The following SYNPO2 variants were observed in gnomAD, a reference collection of about 807,000 sequenced individuals.
The protein encoded by SYNPO2 is synaptopodin-2.
SYNPO2 carries 56 observed loss-of-function variants against 85.0 expected under a neutral mutation model. That is an observed-to-expected ratio of 0.66 (90% CI 0.53 to 0.82). The LOEUF (loss-of-function observed/expected upper bound fraction) is 0.82, where lower values mean the gene tolerates loss of function less well. Ranked by LOEUF, SYNPO2 falls within the 40% of genes least tolerant of loss-of-function variation. The pLI, the probability that SYNPO2 is intolerant of heterozygous loss-of-function variation, is 0.00. For missense variants in SYNPO2, 1,575 were observed against 1,534.2 expected (o/e 1.03, Z -0.44); for synonymous variants, 602 against 591.1 (o/e 1.02, Z -0.27).
intron 1 of SYNPO2, among the ~76,000 whole-genome samples, chr4:118,951,700 A>G (rs1734703236): frequency 1.3e-5 from 2 of 152,208 alleles, no homozygotes; most frequent in African/African-American, 4.8e-5. Flanking sequence ...TAACCCAGGT[A>G]TTTAGTACTA....
chr4:118,973,223 T>C (rs1234561874), intron 1 of SYNPO2, among the ~76,000 whole-genome samples: 4 of 152,202 alleles, frequency 2.6e-5, no homozygotes, highest in Non-Finnish European at 5.9e-5. Flanking sequence ...CCATCAATTA[T>C]AGAATTATTA....
chr4:118,866,810 T>C (rs539311481), intron 1 of SYNPO2, among the ~76,000 whole-genome samples: 4 of 152,340 alleles, frequency 2.6e-5, no homozygotes, highest in African/African-American at 9.6e-5. Flanking sequence ...GCCACGACTG[T>C]AGGTTTCATG....
Position 118,955,022 on chromosome 4 carries a change from C to T in SYNPO2, c.105+65881C>T, listed in dbSNP as rs1465005117. Reference sequence around the variant, plus strand: ...TTTTTTTTTTTTTTTTTTTTTTACACAGAGTCTCACTCTATCACCTAGGCT... The same window carrying T: ...TTTTTTTTTTTTTTTTTTTTTTACATAGAGTCTCACTCTATCACCTAGGCT... On this transcript the variant is annotated intron_variant, in intron 1 of 4. Coordinates refer to ENST00000307142, the MANE Select transcript of SYNPO2 (RefSeq NM_133477.3). Among the ~76,000 whole-genome samples the T allele has an allele frequency of 9.9e-5, 13 of 131,056 alleles. No homozygotes were observed. The Admixed American group carries it at 1.1e-3, about 11-fold the overall frequency. 86.0% of individuals were successfully genotyped at this position (131,056 alleles called of 152,430 possible).
In SYNPO2 at chr4:118,869,701, A is replaced by G. The variant is rs148987610; in HGVS notation, c.12+18761A>G. On this transcript the variant is annotated intron_variant, in intron 1 of 4. Coordinates refer to the SYNPO2 transcript ENST00000610556. ...TTCATTAAGCCTGGATATACAATAC[A>G]GTGGAAAAAACTTACAACTGGGAGA... Among the ~76,000 whole-genome samples the G allele has an allele frequency of 7.3e-4, 111 of 152,328 alleles. No homozygotes were observed. In the East Asian group the frequency reaches 0.019, roughly 27 times the overall value.
intron 1 of SYNPO2, among the ~76,000 whole-genome samples, chr4:118,871,505 G>A (rs1399727389): frequency 6.6e-6 from 1 of 151,884 alleles, no homozygotes; most frequent in Non-Finnish European, 1.5e-5. Flanking sequence ...TAGGAGATTT[G>A]GACCTTGTCT....
At chr4:118,865,540 G>A (rs1011124466) in intron 1 of SYNPO2, among the ~76,000 whole-genome samples, 1 of 152,254 alleles carries the variant, frequency 6.6e-6, no homozygotes, top group Admixed American at 6.5e-5. Flanking sequence ...GAAGGACACA[G>A]GAAGTTTTAA....
intron 1 of SYNPO2, among the ~76,000 whole-genome samples, chr4:118,934,233 G>A (rs758386906): frequency 3.9e-5 from 6 of 152,126 alleles, no homozygotes; most frequent in Admixed American, 6.6e-5. Context: ...CCACTGACCC[G>A]TGTAATCGAA....
chr4:118,988,112 A>G (rs1736284924), intron 1 of SYNPO2, among the ~76,000 whole-genome samples: 1 of 152,232 alleles, frequency 6.6e-6, no homozygotes, highest in African/African-American at 2.4e-5. Context: ...ACTTGATTTC[A>G]TGAGCAGGAA....
intron 1 of SYNPO2, among the ~76,000 whole-genome samples, chr4:118,956,619 G>A (rs1025727636): frequency 1.3e-5 from 2 of 152,166 alleles, no homozygotes; most frequent in African/African-American, 4.8e-5. Flanking sequence ...AACGCAAGAG[G>A]AAGAAAGCTT....
intron 1 of SYNPO2, among the ~76,000 whole-genome samples, chr4:119,007,241 TATATGTATATAC>T (rs1248172528): frequency 1.3e-4 from 5 of 39,824 alleles, no homozygotes; most frequent in South Asian, 8.8e-4. Context: ...TATATATATA[TATATGTATATAC>T]ATATATATAT....
In SYNPO2 at chr4:119,027,267, A is replaced by T. The variant is rs746265303; in HGVS notation, c.898A>T (p.Arg300Trp). The T allele has an allele frequency of 6.2e-7, 1 of 1,614,168 alleles. No homozygotes were observed. Among genetic ancestry groups the T allele is most frequent in the South Asian group, 1.1e-5 (1 of 91,084 alleles). The change falls in exon 3 of 5, where the codon AGG becomes TGG. Residue 300 changes from arginine (R) to tryptophan (W), a missense_variant. By Grantham distance (101) the Arg-to-Trp change is moderately radical. Transcript: ENST00000307142. ...CSDRQKTEGC[R>W]LQAGKECVDS... ...TGACAGGCAGAAGACAGAAGGGTGCAGGCTTCAGGCAGGAAAGGAGTGTGT... is the reference window on the plus strand; with the variant it reads ...TGACAGGCAGAAGACAGAAGGGTGCTGGCTTCAGGCAGGAAAGGAGTGTGT...
At chr4:119,036,618 T>G (rs1373016077) in intron 4 of SYNPO2, 4 of 985,362 alleles carry the variant, frequency 4.1e-6, no homozygotes, top group Non-Finnish European at 4.8e-6. Flanking sequence ...CTAGAAAAAA[T>G]AGTACAAAAA....
chr4:118,974,719 C>G (rs1735657954), intron 1 of SYNPO2, among the ~76,000 whole-genome samples: 1 of 152,178 alleles, frequency 6.6e-6, no homozygotes, highest in African/African-American at 2.4e-5. Context: ...CTTCTACCAA[C>G]AGCATCACCA....
chr4:118,878,942 G>A (rs1374027104), intron 1 of SYNPO2, among the ~76,000 whole-genome samples: 1 of 152,132 alleles, frequency 6.6e-6, no homozygotes, highest in African/African-American at 2.4e-5. Context: ...TTTTGGGTCC[G>A]CACTACCTCT....
chr4:119,027,327 C>T lies in SYNPO2; in HGVS notation c.958C>T (p.Pro320Ser). 1.2e-6 allele frequency: 2 copies of T among 1,614,076 alleles called. No individual in the cohort carries two copies. The highest frequency in any genetic ancestry group is 2.2e-5 in the East Asian group (1 of 44,862). The change falls in exon 3 of 5, where the codon CCT (proline) becomes TCT (serine). Residue 320 changes from proline (P) to serine (S), a missense_variant. Pro to Ser is a moderately conservative substitution (Grantham distance 74). Transcript: ENST00000307142. ...AGTGGAAGGAGGGCAGTCAGAAGCA[C>T]CTCCTTCTCTGGTATCCTTTGCCGT... ...SPVEGGQSEA[P>S]PSLVSFAVSS...
rs1042147378 is a variant in SYNPO2 at position 118,874,246 on chromosome 4, T to C, written c.12+23306T>C. Among the ~76,000 whole-genome samples the C allele has an allele frequency of 2.6e-5, 4 of 152,230 alleles. No homozygotes were observed. The East Asian group carries it at 7.7e-4, about 29-fold the overall frequency. ...GTTATTTATGTTTAACATTATTAGC[T>C]TCCAGAAGCCTAAGGGCAAAGCAGA... On this transcript the variant is annotated intron_variant, in intron 1 of 4. Coordinates refer to the SYNPO2 transcript ENST00000610556.
intron 1 of SYNPO2, among the ~76,000 whole-genome samples, chr4:118,900,703 C>CTCTCTCTCTATATATATATA (rs1277981772): frequency 3.4e-4 from 15 of 43,880 alleles, no homozygotes; most frequent in Admixed American, 5.8e-4. Flanking sequence ...CTCTCTCTCT[C>CTCTCTCTCTATATATATATA]TATATATATA....
In SYNPO2 at chr4:119,060,533, G is replaced by C. The variant is rs575997337; in HGVS notation, c.*2599G>C. On this transcript the variant is annotated 3_prime_UTR_variant, in exon 5 of 5. Transcript: ENST00000307142. ...TGGTTGAGACAAGACACCTGCCAGA[G>C]TGAAGTTTGATTCCTATGGGTGAGA... 1 of 152,310 alleles carries C rather than the reference G, an allele frequency of 6.6e-6. No individual in the cohort carries two copies. The highest frequency in any genetic ancestry group is 2.1e-4 in the South Asian group (1 of 4,828). 9.4% of individuals were successfully genotyped at this position (152,310 alleles called of 1,614,324 possible).
intron 1 of SYNPO2, among the ~76,000 whole-genome samples, chr4:119,010,357 C>G (rs1213318298): frequency 1.3e-5 from 2 of 152,124 alleles, no homozygotes; most frequent in Non-Finnish European, 2.9e-5. Context: ...GCAAAAGGTA[C>G]TTCTTATGTG....
Sources: gnomAD v4.1 joint callset for allele counts (sites outside exome capture counted in the v4.1 genomes callset) on GRCh38, gnomAD v4.1.1 for gene constraint, MANE v1.5 for transcripts, NCBI Gene and HGNC (gene_info 2026-07-23, HGNC 2026-07-21) for gene names.